The following PCDHGB1 variants were observed in gnomAD, a reference collection of about 807,000 sequenced individuals.
PCDHGB1 encodes protocadherin gamma-B1.
Under a neutral mutation model 56.6 loss-of-function variants are expected in PCDHGB1, and 34 were observed. The ratio of observed to expected loss-of-function variants is 0.60; its 90% CI spans 0.46 to 0.80. The LOEUF (loss-of-function observed/expected upper bound fraction) is 0.80, where lower values mean the gene tolerates loss of function less well. PCDHGB1 is among the 30% of genes least tolerant of loss of function. PCDHGB1 has a pLI of 0.00. For synonymous variants in PCDHGB1, 561 were observed against 505.9 expected, an observed-to-expected ratio of 1.11 and a Z score of -1.46; for missense variants, 1,278 against 1,204.6, an observed-to-expected ratio of 1.06 and a Z score of -0.90.
At chr5:141,376,179 C>T (rs777443061) in intron 1 of PCDHGB1, 9 of 1,614,014 alleles carry the variant, frequency 5.6e-6, no homozygotes, top group East Asian at 4.5e-5. Context: ...GCGGTGGCCG[C>T]GGTCTCCTGC....
Position 141,490,611 on chromosome 5 carries a change from G to GCTTTA in PCDHGB1, c.2410-4194_2410-4190dup. On this transcript the variant is annotated intron_variant, in intron 1 of 3. Coordinates refer to ENST00000523390, the MANE Select transcript of PCDHGB1 (RefSeq NM_018922.3). The surrounding 1 kb of genome is among the most constrained non-coding windows in gnomAD (Gnocchi z 5.4). The stretch of plus-strand genomic sequence containing the variant: ...ACAATGCACCCCGCTTCAACCAGCA[G>GCTTTA]CTTTACACTGCTTACATCCTAGAAA... 6.2e-7 allele frequency: 1 copy of GCTTTA among 1,614,170 alleles called. No individual in the cohort carries two copies. Among genetic ancestry groups the GCTTTA allele is most frequent in the Non-Finnish European group, 8.5e-7 (1 of 1,180,036 alleles).
intron 1 of PCDHGB1, chr5:141,374,257 G>A (rs1770316361): frequency 6.8e-6 from 11 of 1,614,042 alleles, no homozygotes; most frequent in Non-Finnish European, 7.6e-6. Context: ...AGCCCCAGGA[G>A]TTGGCGGAGC....
In PCDHGB1 at chr5:141,433,032, C is replaced by T. The variant is rs751061646; in HGVS notation, c.2410-61775C>T. The T allele has an allele frequency of 2.5e-6, 4 of 1,614,188 alleles. No homozygotes were observed. Among genetic ancestry groups the T allele is most frequent in the African/African-American group, 2.7e-5 (2 of 75,058 alleles). On this transcript the variant is annotated intron_variant, in intron 1 of 3. Transcript: ENST00000523390. ...CTGCAGACCTATTCCCACGAGGTTTCCCTCACCACGGACTCGCGGAAGAGT... is the reference window on the plus strand; with the variant it reads ...CTGCAGACCTATTCCCACGAGGTTTTCCTCACCACGGACTCGCGGAAGAGT...
chr5:141,351,310 C>G lies in PCDHGB1; in HGVS notation c.1050C>G (p.Asn350Lys), dbSNP rs775069628. Residue 350 changes from asparagine (N) to lysine (K), a missense_variant, in exon 1 of 4, where the codon AAC becomes AAG. Transcript: ENST00000523390. ...AGGTGACATTCATGTCCTTCTCTAA[C>G]CAGATTCCAGAGGATTCAGACCTTG... ...APEVTFMSFS[N>K]QIPEDSDLGT... 2 of 1,613,816 alleles carry G rather than the reference C, an allele frequency of 1.2e-6. No individual in the cohort carries two copies. Among genetic ancestry groups the G allele is most frequent in the South Asian group, 2.2e-5 (2 of 91,062 alleles).
Position 141,489,427 on chromosome 5 carries a change from C to A in PCDHGB1, c.2410-5380C>A. ...AAAGATGACAGATCTGTTGAGCCGG[C>A]GGCTGCAATTGGGCTCTGAGGAGAA... On this transcript the variant is annotated intron_variant, in intron 1 of 3. Coordinates refer to ENST00000523390, the MANE Select transcript of PCDHGB1 (RefSeq NM_018922.3). This position sits in a 1 kb window ranked among gnomAD's most constrained non-coding sequence, Gnocchi z 4.5. The A allele has an allele frequency of 6.2e-7, 1 of 1,614,108 alleles. No individual in the cohort carries two copies. The highest frequency in any genetic ancestry group is 1.1e-5 in the South Asian group (1 of 91,086).
At chr5:141,397,225 T>C (rs2093492124) in intron 1 of PCDHGB1, among the ~76,000 whole-genome samples, 1 of 151,338 alleles carries the variant, frequency 6.6e-6, no homozygotes, top group Non-Finnish European at 1.5e-5. Context: ...TTTTGAGATA[T>C]GAAGAAGAGC....
chr5:141,405,446 G>A, intron 1 of PCDHGB1: 1 of 1,338,140 alleles, frequency 7.5e-7, no homozygotes, highest in Non-Finnish European at 1.0e-6. Flanking sequence ...TTGAGACAGA[G>A]TCTTACTCTG....
At chr5:141,427,239 G>C (rs1160872088) in intron 1 of PCDHGB1, 1 of 456,746 alleles carries the variant, frequency 2.2e-6, no homozygotes, top group East Asian at 6.9e-5. Flanking sequence ...GAGAGTAGAA[G>C]CTAAGGATGG....
chr5:141,430,826 C>T (rs993762069), intron 1 of PCDHGB1: 1 of 1,550,298 alleles, frequency 6.5e-7, no homozygotes, highest in Non-Finnish European at 8.7e-7. Context: ...CCTGGGGACT[C>T]TGTGGGAGAC....
intron 1 of PCDHGB1, chr5:141,478,104 C>T (rs1440105341): frequency 6.2e-7 from 1 of 1,614,118 alleles, no homozygotes; most frequent in South Asian, 1.1e-5. Flanking sequence ...GCTACCCTCA[C>T]TGTGTCAGTA....
rs776219135 is a variant in PCDHGB1, at chr5:141,403,980, A to G, written c.2409+51311A>G. ...ATTTCGGTGGAAGATGTAAATGACA[A>G]TAGACCTGAAGTGACCATTACATCT... On this transcript the variant is annotated intron_variant, in intron 1 of 3. Coordinates refer to ENST00000523390, the MANE Select transcript of PCDHGB1 (RefSeq NM_018922.3). The G allele has an allele frequency of 5.0e-6, 8 of 1,613,890 alleles. No homozygotes were observed. In the South Asian group the frequency reaches 8.8e-5, roughly 18 times the overall value.
rs562243473 is a variant in PCDHGB1 at position 141,350,357 on chromosome 5, T to C, written c.97T>C (p.Tyr33His). The C allele has an allele frequency of 6.4e-7, 1 of 1,568,848 alleles. No homozygotes were observed. Among genetic ancestry groups the C allele is most frequent in the African/African-American group, 1.4e-5 (1 of 73,628 alleles). ...CGGGGCCATCTCCCAGCAGATCCGA[T>C]ACACGATTCCAGAGGAGCTAGCCAA... is the stretch of plus-strand genomic sequence containing the variant. ...FCGAISQQIR[Y>H]TIPEELANGS... is the part of the protein sequence containing the mutation. Residue 33 changes from tyrosine to histidine, a missense_variant, in exon 1 of 4, where the codon TAC becomes CAC. Coordinates refer to ENST00000523390, the MANE Select transcript of PCDHGB1 (RefSeq NM_018922.3).
chr5:141,355,116 T>C, intron 1 of PCDHGB1: 1 of 1,511,608 alleles, frequency 6.6e-7, no homozygotes, highest in Non-Finnish European at 8.8e-7. Context: ...GAATGCACTT[T>C]ATTTTGGACC....
rs760680204 is a variant in PCDHGB1, at chr5:141,477,505, CG to C, written c.2410-17301del. ...CACAATCTTCTCAATCTTCCTACGA[CG>C]TTTACATTGAAGAAAACAACCTCCC... On this transcript the variant is annotated intron_variant, in intron 1 of 3. Coordinates refer to ENST00000523390, the MANE Select transcript of PCDHGB1 (RefSeq NM_018922.3). The surrounding 1 kb of genome is among the most constrained non-coding windows in gnomAD (Gnocchi z 4.9). The C allele has an allele frequency of 1.2e-5, 19 of 1,614,008 alleles. No individual in the cohort carries two copies. The highest frequency in any genetic ancestry group is 8.5e-7 in the Non-Finnish European group (1 of 1,180,018).
chr5:141,460,026 C>T (rs565259315), intron 1 of PCDHGB1, among the ~76,000 whole-genome samples: 36 of 152,090 alleles, frequency 2.4e-4, no homozygotes, highest in Non-Finnish European at 3.2e-4. Flanking sequence ...TGCAGTGAGC[C>T]GAGACTGCAC....
chr5:141,370,878 G>A (rs906619365), intron 1 of PCDHGB1: 1 of 1,613,918 alleles, frequency 6.2e-7, no homozygotes, highest in African/African-American at 1.3e-5. Flanking sequence ...AGATCCTGAT[G>A]TAGGTGTCAA....
In PCDHGB1 at chr5:141,409,031, A is replaced by G. The variant is rs748995883; in HGVS notation, c.2409+56362A>G. The G allele has an allele frequency of 1.2e-6, 2 of 1,614,032 alleles. No individual in the cohort carries two copies. The highest frequency in any genetic ancestry group is 1.7e-6 in the Non-Finnish European group (2 of 1,179,904). The stretch of plus-strand genomic sequence containing the variant: ...CCAGGATGAGGGGGTCAATGCTGAG[A>G]TAAACTACTACTTCCGAAGCACTGC... On this transcript the variant is annotated intron_variant, in intron 1 of 3. Transcript: ENST00000523390.
intron 1 of PCDHGB1, chr5:141,433,042 G>A (rs752612411): frequency 6.2e-6 from 10 of 1,614,142 alleles, no homozygotes; most frequent in Non-Finnish European, 7.6e-6. Flanking sequence ...CCCTCACCAC[G>A]GACTCGCGGA....
intron 1 of PCDHGB1, chr5:141,394,966 G>C (rs758463890): frequency 1.9e-6 from 3 of 1,613,768 alleles, no homozygotes; most frequent in Admixed American, 3.3e-5. Context: ...AGGCTGAGGC[G>C]CTGGCACAAG....
Sources: gnomAD v4.1 joint callset for allele counts (sites outside exome capture counted in the v4.1 genomes callset) on GRCh38, gnomAD v4.1.1 for gene constraint, Gnocchi (gnomAD v3.1) non-coding constraint, MANE v1.5 for transcripts, NCBI Gene and HGNC (gene_info 2026-07-23, HGNC 2026-07-21) for gene names.